The following DLG2 variants were observed in gnomAD, a reference collection of about 807,000 sequenced individuals.
DLG2 encodes the protein disks large homolog 2.
A neutral mutation model predicts 132.5 loss-of-function variants in DLG2; 45 were observed. That is an observed-to-expected ratio of 0.34 (90% CI 0.27 to 0.44). The LOEUF is 0.44. Ranked by LOEUF, DLG2 falls within the 20% of genes least tolerant of loss-of-function variation. The probability of loss-of-function intolerance (pLI) is 1.00; values close to 1 mark genes in which losing one functional copy is unlikely to be tolerated. For synonymous variants in DLG2, 424 were observed against 419.6 expected (o/e 1.01, Z -0.13); for missense variants, 1,045 against 1,196.9 (o/e 0.87, Z 1.87).
At chr11:84,660,555 G>A (rs11820280) in intron 6 of DLG2, among the ~76,000 whole-genome samples, 6,530 of 152,192 alleles carry the variant, frequency 0.043, 405 homozygotes, top group African/African-American at 0.14. Context: ...GAGTAGAAAT[G>A]CTAGAATCTG....
chr11:84,605,967 T>A (rs1167344281), intron 6 of DLG2, among the ~76,000 whole-genome samples: 2 of 152,096 alleles, frequency 1.3e-5, no homozygotes, highest in Non-Finnish European at 2.9e-5. Flanking sequence ...ATAACTGACC[T>A]CTTTTTTGAA....
At chr11:84,574,491 T>G (rs1033854438) in intron 6 of DLG2, among the ~76,000 whole-genome samples, 6 of 152,202 alleles carry the variant, frequency 3.9e-5, no homozygotes, top group African/African-American at 1.4e-4. Context: ...ATTTGGGATC[T>G]TGATATCAAT....
At chr11:85,265,503 C>T (rs957582733) in intron 4 of DLG2, among the ~76,000 whole-genome samples, 10 of 152,174 alleles carry the variant, frequency 6.6e-5, no homozygotes, top group Admixed American at 2.0e-4. Flanking sequence ...CTGGCCCCCA[C>T]GACATACTGA....
At chr11:84,992,289 T>C (rs780250153) in intron 6 of DLG2, among the ~76,000 whole-genome samples, 15 of 152,204 alleles carry the variant, frequency 9.9e-5, no homozygotes, top group Non-Finnish European at 2.1e-4. Context: ...ATTGTGTGGT[T>C]ATTTATGTTT....
intron 18 of DLG2, among the ~76,000 whole-genome samples, chr11:83,781,100 T>C (rs773100826): frequency 6.6e-6 from 1 of 152,202 alleles, no homozygotes; most frequent in African/African-American, 2.4e-5. Context: ...CAACATTTAG[T>C]AGAACAAAAC....
intron 4 of DLG2, among the ~76,000 whole-genome samples, chr11:85,174,689 A>C (rs983951230): frequency 6.6e-6 from 1 of 152,154 alleles, no homozygotes; most frequent in Non-Finnish European, 1.5e-5. Flanking sequence ...TGATTTTTTG[A>C]AACTATTAAT....
intron 6 of DLG2, among the ~76,000 whole-genome samples, chr11:85,059,381 C>T (rs940720760): frequency 1.3e-5 from 2 of 151,432 alleles, no homozygotes; most frequent in Non-Finnish European, 3.0e-5. Flanking sequence ...TAAACATATG[C>T]TTATTCTAAG....
intron 3 of DLG2, among the ~76,000 whole-genome samples, chr11:85,455,943 G>A (rs1285764934): frequency 2.6e-5 from 4 of 152,000 alleles, no homozygotes; most frequent in African/African-American, 9.7e-5. Context: ...GAGGATTTTT[G>A]CATCTATTTT....
intron 3 of DLG2, among the ~76,000 whole-genome samples, chr11:85,294,921 A>G (rs2079125430): frequency 6.6e-6 from 1 of 152,174 alleles, no homozygotes; most frequent in Non-Finnish European, 1.5e-5. Context: ...TTGTGGCCCA[A>G]ATAAGGTCTT....
intron 6 of DLG2, among the ~76,000 whole-genome samples, chr11:85,060,713 G>C (rs1250808893): frequency 6.6e-6 from 1 of 151,590 alleles, no homozygotes; most frequent in African/African-American, 2.4e-5. Flanking sequence ...AGATTGGTGG[G>C]TCATATGAAA....
intron 6 of DLG2, among the ~76,000 whole-genome samples, chr11:85,000,769 G>A (rs886406805): frequency 5.3e-5 from 8 of 152,112 alleles, no homozygotes; most frequent in African/African-American, 1.9e-4. Flanking sequence ...TCTGTGGGGA[G>A]CAAGGGCATT....
At chr11:85,522,896 T>G (rs1565630843) in intron 3 of DLG2, among the ~76,000 whole-genome samples, 1 of 152,206 alleles carries the variant, frequency 6.6e-6, no homozygotes, top group Non-Finnish European at 1.5e-5. Context: ...GATGAAACTT[T>G]GAACTTGAAC....
In DLG2 at chr11:85,046,971, TA is replaced by T. The variant is rs1256207999; in HGVS notation, c.357+64689del. On this transcript the variant is annotated intron_variant, in intron 6 of 27. Coordinates refer to ENST00000376104, the MANE Select transcript of DLG2 (RefSeq NM_001142699.3). ...TATTTGTTTGTTTGTTGACAATTTC[TA>T]AAAAGCTTTATTTTAATATTTCCTT... Among the ~76,000 whole-genome samples, 10 of 152,070 alleles carry T rather than the reference TA, an allele frequency of 6.6e-5. No individual in the cohort carries two copies. In the South Asian group the frequency reaches 1.5e-3, roughly 22 times the overall value.
intron 3 of DLG2, among the ~76,000 whole-genome samples, chr11:85,409,133 C>T (rs2152976943): frequency 6.8e-6 from 1 of 147,844 alleles, no homozygotes; most frequent in African/African-American, 2.5e-5. Context: ...ATTCCATTAC[C>T]TTTTACCATT....
chr11:85,241,246 C>T (rs963948543), intron 4 of DLG2, among the ~76,000 whole-genome samples: 4 of 151,654 alleles, frequency 2.6e-5, no homozygotes, highest in Admixed American at 1.3e-4. Flanking sequence ...GATTTTATAT[C>T]CAGCTTCCTG....
At chr11:84,773,990 A>C (rs2069908555) in intron 6 of DLG2, among the ~76,000 whole-genome samples, 1 of 152,136 alleles carries the variant, frequency 6.6e-6, no homozygotes, top group African/African-American at 2.4e-5. Flanking sequence ...AAAAGAAGTC[A>C]AACTCTCTCT....
intron 19 of DLG2, among the ~76,000 whole-genome samples, chr11:83,590,480 C>A (rs1037070742): frequency 6.6e-6 from 1 of 152,112 alleles, no homozygotes; most frequent in South Asian, 2.1e-4. Context: ...CTCTGGGACA[C>A]ATTCAAAGCA....
chr11:84,828,167 C>T (rs1387896294), intron 6 of DLG2, among the ~76,000 whole-genome samples: 1 of 151,572 alleles, frequency 6.6e-6, no homozygotes, highest in Non-Finnish European at 1.5e-5. Flanking sequence ...TAGGCAGGGG[C>T]AGGAGAGAAA....
chr11:83,699,973 T>C (rs1429925944), intron 18 of DLG2, among the ~76,000 whole-genome samples: 3 of 141,672 alleles, frequency 2.1e-5, no homozygotes, highest in Non-Finnish European at 4.6e-5. Flanking sequence ...ACAAATACAG[T>C]TTGCTGCATT....
Sources: allele counts gnomAD v4.1 joint callset (sites outside exome capture counted in the v4.1 genomes callset), GRCh38; gene constraint gnomAD v4.1.1; transcripts MANE v1.5; gene names NCBI Gene and HGNC (gene_info 2026-07-23, HGNC 2026-07-21).